ASIC2: variants seen among roughly 807,000 people sequenced by gnomAD.
ASIC2 encodes acid-sensing ion channel 2.
Under a neutral mutation model 57.3 loss-of-function variants are expected in ASIC2, and 25 were observed. The observed-to-expected ratio is 0.44, with a 90% CI of 0.32 to 0.61. ASIC2 has a LOEUF of 0.61. Among genes scored for constraint, ASIC2 ranks in the 20% least tolerant of loss-of-function variants. The probability of loss-of-function intolerance (pLI) is 0.06; values close to 1 mark genes in which losing one functional copy is unlikely to be tolerated. For missense variants in ASIC2, 641 were observed against 738.1 expected (o/e 0.87, Z 1.52); for synonymous variants, 319 against 307.5 (o/e 1.04, Z -0.39).
chr17:33,631,341 G>C (rs1906162805), intron 1 of ASIC2, among the ~76,000 whole-genome samples: 1 of 142,006 alleles, frequency 7.0e-6, no homozygotes, highest in East Asian at 2.0e-4. Flanking sequence ...TTTTTTTTTG[G>C]AGGGAGAGTT....
intron 1 of ASIC2, among the ~76,000 whole-genome samples, chr17:33,618,300 T>G (rs1178218285): frequency 2.6e-5 from 4 of 152,026 alleles, no homozygotes; most frequent in African/African-American, 4.8e-5. Context: ...ACTATCCTCC[T>G]GCCTCAGCCT....
intron 1 of ASIC2, among the ~76,000 whole-genome samples, chr17:33,779,737 C>T (rs1344361027): frequency 6.6e-6 from 1 of 152,158 alleles, no homozygotes; most frequent in African/African-American, 2.4e-5. Flanking sequence ...AGCAAAACAA[C>T]AGCAGCAGCA....
intron 1 of ASIC2, among the ~76,000 whole-genome samples, chr17:33,420,508 G>A (rs753404343): frequency 6.6e-6 from 1 of 152,186 alleles, no homozygotes; most frequent in Non-Finnish European, 1.5e-5. Flanking sequence ...GCCATGTGGT[G>A]TCACCTTAAG....
At chr17:33,988,902 C>T (rs919141201) in intron 1 of ASIC2, among the ~76,000 whole-genome samples, 1 of 152,102 alleles carries the variant, frequency 6.6e-6, no homozygotes, top group Non-Finnish European at 1.5e-5. Flanking sequence ...GTAATTTATA[C>T]TCTAGAGCTC....
At chr17:33,372,787 G>A (rs755319246) in intron 1 of ASIC2, among the ~76,000 whole-genome samples, 12 of 152,178 alleles carry the variant, frequency 7.9e-5, no homozygotes, top group Non-Finnish European at 1.5e-4. Context: ...GGGCTTCCAC[G>A]CATTGTCTGC....
At chr17:33,934,026 T>A (rs760368913) in intron 1 of ASIC2, among the ~76,000 whole-genome samples, 1 of 152,200 alleles carries the variant, frequency 6.6e-6, no homozygotes, top group Non-Finnish European at 1.5e-5. Context: ...TTTCTTGTAG[T>A]TGATGTTTTT....
intron 1 of ASIC2, among the ~76,000 whole-genome samples, chr17:33,937,607 T>C (rs1330977380): frequency 1.3e-5 from 2 of 152,218 alleles, no homozygotes; most frequent in African/African-American, 4.8e-5. Context: ...CAATGTCATT[T>C]CCTGGTTTCT....
At chr17:33,849,231 G>A (rs1312846755) in intron 1 of ASIC2, among the ~76,000 whole-genome samples, 1 of 152,156 alleles carries the variant, frequency 6.6e-6, no homozygotes, top group Admixed American at 6.5e-5. Flanking sequence ...GTAAGAACTG[G>A]GATCCTGGAA....
chr17:33,993,504 A>G (rs1191782249), intron 1 of ASIC2, among the ~76,000 whole-genome samples: 1 of 152,154 alleles, frequency 6.6e-6, no homozygotes, highest in African/African-American at 2.4e-5. Context: ...TCTTCTTTGA[A>G]GTTCTTTGAG....
chr17:33,372,676 C>T (rs1355538059), intron 1 of ASIC2, among the ~76,000 whole-genome samples: 1 of 152,162 alleles, frequency 6.6e-6, no homozygotes, highest in African/African-American at 2.4e-5. Context: ...CCTGAGTCCC[C>T]AGCCACATTC....
At chr17:34,083,034 C>T (rs57501618) in intron 1 of ASIC2, among the ~76,000 whole-genome samples, 3,660 of 148,996 alleles carry the variant, frequency 0.025, 137 homozygotes, top group African/African-American at 0.075. Flanking sequence ...TTTTTTTTAT[C>T]ATTATACTTT....
intron 1 of ASIC2, among the ~76,000 whole-genome samples, chr17:33,232,504 G>GGTATGGTATGGTACA (rs1908144513): frequency 1.1e-5 from 1 of 90,100 alleles, no homozygotes; most frequent in African/African-American, 3.5e-5. Flanking sequence ...GGTACGGTAT[G>GGTATGGTATGGTACA]GTATGGTATG....
At chr17:33,870,925 G>C (rs2141931507) in intron 1 of ASIC2, among the ~76,000 whole-genome samples, 1 of 152,374 alleles carries the variant, frequency 6.6e-6, no homozygotes, top group Non-Finnish European at 1.5e-5. Flanking sequence ...AGGAGCTAGA[G>C]AGATAAGACC....
At chr17:33,055,341 C>A (rs1046271193) in intron 3 of ASIC2, among the ~76,000 whole-genome samples, 3 of 152,182 alleles carry the variant, frequency 2.0e-5, no homozygotes, top group Non-Finnish European at 4.4e-5. Context: ...CAGTTGCCAC[C>A]TTTTCCTCTC....
At chr17:33,967,972 T>C (rs1288403326) in intron 1 of ASIC2, among the ~76,000 whole-genome samples, 2 of 152,176 alleles carry the variant, frequency 1.3e-5, no homozygotes, top group African/African-American at 4.8e-5. Context: ...CTGCAAACTA[T>C]GTAGCCAGTC....
intron 1 of ASIC2, among the ~76,000 whole-genome samples, chr17:33,943,696 A>C (rs992733331): frequency 6.6e-6 from 1 of 150,796 alleles, no homozygotes; most frequent in African/African-American, 2.5e-5. Context: ...TAATAGTAAA[A>C]AAAAAAAAAA....
intron 1 of ASIC2, among the ~76,000 whole-genome samples, chr17:33,770,235 T>G (rs990822237): frequency 1.3e-5 from 2 of 152,220 alleles, no homozygotes; most frequent in Non-Finnish European, 2.9e-5. Context: ...TACACTGTGA[T>G]GGATGCTTTA....
chr17:33,040,097 C>A (rs539534617), intron 3 of ASIC2, among the ~76,000 whole-genome samples: 1 of 152,312 alleles, frequency 6.6e-6, no homozygotes, highest in Admixed American at 6.5e-5. Flanking sequence ...TCCAAGAGTG[C>A]CTGATGTATA....
chr17:33,615,960 C>T (rs931606415), intron 1 of ASIC2, among the ~76,000 whole-genome samples: 26 of 152,188 alleles, frequency 1.7e-4, no homozygotes. Flanking sequence ...CCAGCCTGTA[C>T]TACCTGAGTT....
Sources: allele counts gnomAD v4.1 joint callset (sites outside exome capture counted in the v4.1 genomes callset), GRCh38; gene constraint gnomAD v4.1.1; transcripts MANE v1.5; gene names NCBI Gene and HGNC (gene_info 2026-07-23, HGNC 2026-07-21).